Variants in FERMT1 observed in about 807,000 individuals in gnomAD.
FERMT1 encodes FERM domain containing kindlin 1.
In FERMT1, 60 loss-of-function variants were observed where a neutral mutation model predicts 85.3. The ratio of observed to expected loss-of-function variants is 0.70; its 90% CI spans 0.57 to 0.87. FERMT1 has a LOEUF of 0.87. FERMT1 is among the 40% of genes least tolerant of loss of function. The pLI is 0.00. For synonymous variants in FERMT1, 275 were observed against 301.1 expected, an observed-to-expected ratio of 0.91 and a Z score of 0.90; for missense variants, 701 against 818.9, an observed-to-expected ratio of 0.86 and a Z score of 1.76.
At chr20:6,085,324 GCAAAGCCCC>G in intron 11 of FERMT1, 37 bp from the exon 12 acceptor site, 1 of 1,581,934 alleles carries the variant, frequency 6.3e-7, no homozygotes, top group Non-Finnish European at 8.7e-7. Flanking sequence ...AAGCTCAAGT[GCAAAGCCCC>G]CTGCTGCACA....
rs914633281 is a variant in FERMT1, at chr20:6,075,482, C to A, written c.*1691G>T. The A allele has an allele frequency of 2.6e-5, 4 of 152,322 alleles. No individual in the cohort carries two copies. In the East Asian group the frequency reaches 7.5e-4, roughly 29 times the overall value. The allele number at this position is 152,322 out of a possible 1,614,324, so 9.4% of individuals were successfully genotyped here. A position where few individuals can be genotyped will look rare whatever the true frequency, so the allele number is the denominator to read the frequency against. On this transcript the variant is annotated 3_prime_UTR_variant, in exon 15 of 15. Coordinates refer to ENST00000217289, the MANE Select transcript of FERMT1 (RefSeq NM_017671.5). ...GAACCAGATTTTCCAAATGCCTAAA[C>A]CACTTCTGAGCTTTAAGCAAGGCCT...
chr20:6,119,853 A>C (rs565776950), intron 1 of FERMT1, among the ~76,000 whole-genome samples: 2 of 152,238 alleles, frequency 1.3e-5, no homozygotes, highest in Admixed American at 6.5e-5. Flanking sequence ...TCCTTCGTCC[A>C]CCCAATGCTT....
intron 6 of FERMT1, 129 bp from the exon 7 acceptor site, chr20:6,097,760 G>T: frequency 1.4e-6 from 1 of 736,812 alleles, no homozygotes; most frequent in Non-Finnish European, 2.5e-6. Flanking sequence ...TAAGTGAAAG[G>T]AATACTTCTA....
intron 9 of FERMT1, among the ~76,000 whole-genome samples, chr20:6,091,706 C>T (rs564112045): frequency 1.7e-4 from 26 of 152,312 alleles, no homozygotes; most frequent in African/African-American, 5.8e-4. Flanking sequence ...CTTCTCTGTT[C>T]TACCTGGACC....
At chr20:6,091,475 G>T (rs184317811) in intron 9 of FERMT1, among the ~76,000 whole-genome samples, 1 of 151,886 alleles carries the variant, frequency 6.6e-6, no homozygotes, top group African/African-American at 2.4e-5. Flanking sequence ...CAAGTGATCC[G>T]CCCACCTTGG....
At chr20:6,082,939 CG>C (rs1488690562) in intron 13 of FERMT1, among the ~76,000 whole-genome samples, 4 of 152,076 alleles carry the variant, frequency 2.6e-5, no homozygotes, top group African/African-American at 7.2e-5. Context: ...GGATTACAGG[CG>C]TGAGCCACCG....
Position 6,099,093 on chromosome 20 carries a change from A to G in FERMT1, c.850-1462T>C, listed in dbSNP as rs73074369. On this transcript the variant is annotated intron_variant, in intron 6 of 14. Coordinates refer to ENST00000217289, the MANE Select transcript of FERMT1 (RefSeq NM_017671.5). ...TGCTGTCCACATACAATAGAACGCT[A>G]TTCAGCCTTAAAAAGGAATGAAATT... is the stretch of plus-strand genomic sequence containing the variant. 5.8e-3 allele frequency among the ~76,000 whole-genome samples: 883 copies of G among 152,308 alleles called. 1 individual carries two copies. The highest frequency in any genetic ancestry group is 8.9e-3 in the Non-Finnish European group (606 of 68,024).
chr20:6,084,978 C>G, intron 12 of FERMT1, 88 bp downstream of exon 12: 1 of 1,304,544 alleles, frequency 7.7e-7, no homozygotes, highest in Non-Finnish European at 1.1e-6. Context: ...CAGGTGTGAG[C>G]CACCATGCCC....
chr20:6,094,814 G>A, intron 9 of FERMT1, 125 bp downstream of exon 9: 2 of 715,694 alleles, frequency 2.8e-6, no homozygotes, highest in Non-Finnish European at 5.2e-6. Context: ...TTGTCTGATG[G>A]CAAAGCGCAC....
chr20:6,081,266 TA>T (rs34199919), intron 13 of FERMT1, among the ~76,000 whole-genome samples: 35,472 of 140,634 alleles, frequency 0.25, 4,786 homozygotes, highest in East Asian at 0.55. Flanking sequence ...TGCCTCTAAT[TA>T]AAAAAAAAAA....
intron 6 of FERMT1, among the ~76,000 whole-genome samples, chr20:6,105,076 G>A (rs1371608907): frequency 6.6e-6 from 1 of 152,144 alleles, no homozygotes; most frequent in Admixed American, 6.6e-5. Flanking sequence ...GACTCACAGC[G>A]TGTGGGGTGA....
chr20:6,102,251 A>T (rs1193737187), intron 6 of FERMT1, among the ~76,000 whole-genome samples: 1 of 152,080 alleles, frequency 6.6e-6, no homozygotes, highest in African/African-American at 2.4e-5. Flanking sequence ...ATTGACAGGC[A>T]TCCTATAGGA....
chr20:6,090,104 C>G (rs1982309790), intron 9 of FERMT1, among the ~76,000 whole-genome samples: 2 of 151,986 alleles, frequency 1.3e-5, no homozygotes, highest in Admixed American at 1.3e-4. Flanking sequence ...GAGACGGAGT[C>G]TCGCTCTGTT....
intron 4 of FERMT1, among the ~76,000 whole-genome samples, chr20:6,111,113 C>T (rs1035024881): frequency 3.3e-5 from 5 of 152,096 alleles, no homozygotes; most frequent in Non-Finnish European, 5.9e-5. Context: ...ATGGAGACCA[C>T]CTCTTTTCTA....
chr20:6,096,385 C>G (rs796610870), intron 8 of FERMT1, among the ~76,000 whole-genome samples: 50 of 152,218 alleles, frequency 3.3e-4, no homozygotes, highest in African/African-American at 1.2e-3. Context: ...ATTAGCCAGG[C>G]ACAGTAGTGT....
chr20:6,117,107 A>G (rs1983123709), intron 2 of FERMT1, among the ~76,000 whole-genome samples: 1 of 152,208 alleles, frequency 6.6e-6, no homozygotes, highest in South Asian at 2.1e-4. Context: ...GTTAGCACCA[A>G]TGTCAATCTT....
At chr20:6,110,701 G>T (rs1402249851) in intron 4 of FERMT1, among the ~76,000 whole-genome samples, 190 bp from the exon 5 acceptor site, 2 of 152,140 alleles carry the variant, frequency 1.3e-5, no homozygotes, top group Non-Finnish European at 2.9e-5. Flanking sequence ...TGAGGTTGGA[G>T]AATTGTTTGA....
intron 9 of FERMT1, chr20:6,094,037 A>G (rs1982435711): frequency 6.6e-6 from 1 of 152,066 alleles, no homozygotes; most frequent in African/African-American, 2.4e-5. Flanking sequence ...AATCCCCAAA[A>G]CCATACCTGT....
intron 4 of FERMT1, among the ~76,000 whole-genome samples, chr20:6,111,709 G>A (rs752192300): frequency 6.6e-6 from 1 of 152,050 alleles, no homozygotes; most frequent in Non-Finnish European, 1.5e-5. Context: ...AGATTTGATT[G>A]TTTTGATATA....
Sources: allele counts gnomAD v4.1 joint callset (sites outside exome capture counted in the v4.1 genomes callset), GRCh38; gene constraint gnomAD v4.1.1; transcripts MANE v1.5; gene names NCBI Gene and HGNC (gene_info 2026-07-23, HGNC 2026-07-21).